The following FAM178B variants were observed in gnomAD, a reference collection of about 807,000 sequenced individuals.
FAM178B encodes family with sequence similarity 178 member B.
Under a neutral mutation model 91.7 loss-of-function variants are expected in FAM178B, and 82 were observed. That is an observed-to-expected ratio of 0.89 (90% confidence interval 0.75 to 1.07). The LOEUF is 1.07. Ranked by LOEUF, FAM178B falls within the 50% of genes least tolerant of loss-of-function variation. The pLI, the probability that FAM178B is intolerant of heterozygous loss-of-function variation, is 0.00. For missense variants in FAM178B, 769 were observed against 846.7 expected (o/e 0.91, Z 1.14); for synonymous variants, 368 against 359.4 (o/e 1.02, Z -0.27).
At chr2:96,943,747 C>G (rs562271132) in intron 8 of FAM178B, among the ~76,000 whole-genome samples, 2 of 143,682 alleles carry the variant, frequency 1.4e-5, no homozygotes, top group Admixed American at 1.3e-4. Context: ...CTCCTCTGCT[C>G]CCTTCAAGGA....
At chr2:96,878,704 TC>T (rs1256336020) in intron 14 of FAM178B, among the ~76,000 whole-genome samples, 1 of 152,064 alleles carries the variant, frequency 6.6e-6, no homozygotes, top group Non-Finnish European at 1.5e-5. Context: ...GAGCTGTGAC[TC>T]CCTAGCAGGC....
At chr2:96,922,203 T>C (rs2081353203) in intron 10 of FAM178B, among the ~76,000 whole-genome samples, 1 of 152,136 alleles carries the variant, frequency 6.6e-6, no homozygotes, top group Admixed American at 6.5e-5. Flanking sequence ...CTAAAAAGGG[T>C]AAGAACCCTC....
At chr2:96,917,092 C>T (rs939752976) in intron 12 of FAM178B, among the ~76,000 whole-genome samples, 3 of 152,306 alleles carry the variant, frequency 2.0e-5, no homozygotes, top group South Asian at 2.1e-4. Flanking sequence ...AAAGAAGGTG[C>T]GGAAACGGCG....
chr2:96,896,199 T>C (rs1276739538), intron 13 of FAM178B, among the ~76,000 whole-genome samples: 1 of 152,176 alleles, frequency 6.6e-6, no homozygotes, highest in East Asian at 1.9e-4. Flanking sequence ...ACGGGAGGCC[T>C]GGGTGGGGCT....
At chr2:96,914,858 C>A (rs1409670039) in intron 12 of FAM178B, among the ~76,000 whole-genome samples, 1 of 152,166 alleles carries the variant, frequency 6.6e-6, no homozygotes, top group African/African-American at 2.4e-5. Context: ...CCACTGCACT[C>A]CTGCCTCGGC....
chr2:96,946,755 C>A (rs1316138056), intron 8 of FAM178B, among the ~76,000 whole-genome samples: 1 of 152,270 alleles, frequency 6.6e-6, no homozygotes, highest in Non-Finnish European at 1.5e-5. Flanking sequence ...GGCAGGCATG[C>A]CGCAGAGGCG....
chr2:96,930,296 C>T (rs149916666), intron 8 of FAM178B, among the ~76,000 whole-genome samples: 2,137 of 147,874 alleles, frequency 0.014, 21 homozygotes, highest in Non-Finnish European at 0.02. Context: ...GTACTCAGGG[C>T]CTTTTTTTCT....
At chr2:96,939,695 C>A (rs1016779785) in intron 8 of FAM178B, among the ~76,000 whole-genome samples, 2 of 152,036 alleles carry the variant, frequency 1.3e-5, no homozygotes, top group Admixed American at 1.3e-4. Context: ...ATGAGCTGGA[C>A]AAGGGCTGGC....
In FAM178B at chr2:96,913,238, G is replaced by T. The variant is rs76644754; in HGVS notation, c.1562+7927C>A. On this transcript the variant is annotated intron_variant, in intron 12 of 16. Transcript: ENST00000490605. ...GTGGCTGTTCGCTGGGAGTGCAGAG[G>T]CTTCAGCAGCAGGAAGCATGGAGTC... 1.5e-3 allele frequency among the ~76,000 whole-genome samples: 226 copies of T among 152,298 alleles called. 1 individual carries two copies. Among genetic ancestry groups the T allele is most frequent in the African/African-American group, 5.2e-3 (215 of 41,556 alleles).
chr2:96,947,251 T>C (rs1395758962), intron 8 of FAM178B, among the ~76,000 whole-genome samples: 4 of 152,150 alleles, frequency 2.6e-5, no homozygotes, highest in Admixed American at 2.6e-4. Context: ...AAAAGCATTA[T>C]AAAGAGGAAT....
intron 13 of FAM178B, among the ~76,000 whole-genome samples, chr2:96,899,039 A>C (rs2080875970): frequency 1.3e-5 from 2 of 152,214 alleles, no homozygotes. Context: ...AAGGTCTGAC[A>C]GGCCAGACTG....
At chr2:96,961,322 T>TGG (rs2082078515) in intron 5 of FAM178B, among the ~76,000 whole-genome samples, 1 of 150,586 alleles carries the variant, frequency 6.6e-6, no homozygotes, top group African/African-American at 2.4e-5. Flanking sequence ...GGTGTGTGTG[T>TGG]GTGTGTGTGT....
At chr2:96,909,554 C>G (rs576374093) in intron 12 of FAM178B, among the ~76,000 whole-genome samples, 2 of 152,316 alleles carry the variant, frequency 1.3e-5, no homozygotes, top group African/African-American at 4.8e-5. Context: ...TCTGACGGCC[C>G]TGGGGGTTGT....
At chr2:96,916,316 G>A (rs1258974839) in intron 12 of FAM178B, among the ~76,000 whole-genome samples, 1 of 152,150 alleles carries the variant, frequency 6.6e-6, no homozygotes, top group East Asian at 1.9e-4. Context: ...ATTGATTCTG[G>A]TCTGCCAGGC....
At chr2:96,946,431 A>G (rs1417883412) in intron 8 of FAM178B, among the ~76,000 whole-genome samples, 1 of 152,072 alleles carries the variant, frequency 6.6e-6, no homozygotes, top group Non-Finnish European at 1.5e-5. Flanking sequence ...CGGGCCTCTC[A>G]CTTTCCCCAT....
intron 12 of FAM178B, among the ~76,000 whole-genome samples, chr2:96,907,099 C>T (rs1022234188): frequency 1.7e-4 from 26 of 152,104 alleles, no homozygotes; most frequent in African/African-American, 6.3e-4. Flanking sequence ...CAAGAAGCAC[C>T]AAGAGGGTGC....
chr2:96,961,357 A>G (rs1295106539), intron 5 of FAM178B, among the ~76,000 whole-genome samples: 3 of 151,836 alleles, frequency 2.0e-5, no homozygotes, highest in African/African-American at 7.3e-5. Context: ...ACACAAGCCT[A>G]CACACATATG....
At chr2:96,927,879 T>C (rs1468386298) in intron 9 of FAM178B, among the ~76,000 whole-genome samples, 1 of 152,100 alleles carries the variant, frequency 6.6e-6, no homozygotes, top group Non-Finnish European at 1.5e-5. Context: ...GCCTCAGACG[T>C]TCATTTGTCT....
At chr2:96,926,976 C>T (rs1165872036) in intron 9 of FAM178B, among the ~76,000 whole-genome samples, 2 of 152,170 alleles carry the variant, frequency 1.3e-5, no homozygotes, top group African/African-American at 4.8e-5. Flanking sequence ...TGGAAGTCAG[C>T]AGAAAAAAGA....
Sources: gnomAD v4.1 joint callset for allele counts (sites outside exome capture counted in the v4.1 genomes callset) on GRCh38, gnomAD v4.1.1 for gene constraint, MANE v1.5 for transcripts, NCBI Gene and HGNC (gene_info 2026-07-23, HGNC 2026-07-21) for gene names.